Variants in RGPD2 observed in about 807,000 individuals in gnomAD.
The protein encoded by RGPD2 is RANBP2-like and GRIP domain-containing protein 2.
In RGPD2, 2 loss-of-function variants were observed where a neutral mutation model predicts 36.0. The ratio of observed to expected loss-of-function variants is 0.06; its 90% CI spans 0.02 to 0.17. The LOEUF is 0.17. Among genes scored for constraint, RGPD2 ranks in the 10% least tolerant of loss-of-function variants. The pLI is 1.00. For missense variants in RGPD2, 40 were observed against 464.3 expected (o/e 0.09, Z 8.40); for synonymous variants, 19 against 163.8 (o/e 0.12, Z 6.75).
chr2:87,861,680 GT>G, the RGPD2 span, among the ~76,000 whole-genome samples: 3 of 151,522 alleles, frequency 2.0e-5, no homozygotes, highest in Non-Finnish European at 4.4e-5. Flanking sequence ...CTCTTTGATA[GT>G]TTGTCATTTT....
At chr2:87,882,846 T>C in the RGPD2 span, among the ~76,000 whole-genome samples, 1 of 152,136 alleles carries the variant, frequency 6.6e-6, no homozygotes, top group South Asian at 2.1e-4. Flanking sequence ...TTTTATTGTA[T>C]TATAAATAAC....
the RGPD2 span, among the ~76,000 whole-genome samples, chr2:87,917,559 AAGG>A: frequency 2.8e-5 from 1 of 35,488 alleles, no homozygotes; most frequent in African/African-American, 1.6e-4. Context: ...AGACTGAAGT[AAGG>A]AGACTAGTGA....
At chr2:87,867,594 G>GT in the RGPD2 span, among the ~76,000 whole-genome samples, 5 of 151,600 alleles carry the variant, frequency 3.3e-5, no homozygotes, top group Non-Finnish European at 7.4e-5. Context: ...TCATACTTCA[G>GT]TTTTGAAACA....
chr2:87,834,384 T>C, the RGPD2 span, among the ~76,000 whole-genome samples: 1 of 152,054 alleles, frequency 6.6e-6, no homozygotes, highest in African/African-American at 2.4e-5. Context: ...ATGCAAGGCC[T>C]CAGCCTGAGA....
the RGPD2 span, among the ~76,000 whole-genome samples, chr2:87,928,983 C>T: frequency 4.7e-3 from 707 of 151,888 alleles, 3 homozygotes; most frequent in Middle Eastern, 0.02. Flanking sequence ...CAGATATTTT[C>T]TCCCATTCTG....
the RGPD2 span, among the ~76,000 whole-genome samples, chr2:87,964,815 A>ATTT: frequency 3.9e-4 from 30 of 77,886 alleles, 1 homozygote; most frequent in Admixed American, 1.8e-3. Context: ...TTATTTATTT[A>ATTT]TTTTTCTTTT....
chr2:87,919,947 G>GTAATATGTAA, the RGPD2 span, among the ~76,000 whole-genome samples: 1 of 151,904 alleles, frequency 6.6e-6, no homozygotes, highest in Non-Finnish European at 1.5e-5. Flanking sequence ...TTAATGATCA[G>GTAATATGTAA]ATATGTAATA....
chr2:87,932,747 A>G, the RGPD2 span, among the ~76,000 whole-genome samples: 8 of 151,932 alleles, frequency 5.3e-5, no homozygotes, highest in Admixed American at 5.3e-4. Flanking sequence ...TGGGTTGGAG[A>G]TTCTTTCTTT....
the RGPD2 span, among the ~76,000 whole-genome samples, chr2:87,909,295 G>A: frequency 2.1e-5 from 3 of 144,090 alleles, no homozygotes; most frequent in Admixed American, 1.4e-4. Context: ...TATTACTAAT[G>A]CCCTGTTTCT....
chr2:87,873,907 G>C, the RGPD2 span, among the ~76,000 whole-genome samples: 1 of 151,338 alleles, frequency 6.6e-6, no homozygotes, highest in Non-Finnish European at 1.5e-5. Context: ...AATTCAAGAT[G>C]AGATTTGGGT....
chr2:87,832,407 T>C, the RGPD2 span, among the ~76,000 whole-genome samples: 7 of 152,044 alleles, frequency 4.6e-5, no homozygotes, highest in African/African-American at 1.7e-4. Flanking sequence ...AAATATTAAC[T>C]ACAACAACAC....
At chr2:87,983,367 A>G in the RGPD2 span, among the ~76,000 whole-genome samples, 12 of 142,214 alleles carry the variant, frequency 8.4e-5, no homozygotes, top group Admixed American at 8.6e-4. Flanking sequence ...TTCCCATAAG[A>G]TTTTTCTCAA....
At chr2:87,769,828 C>T (rs1181266773) in intron 22 of RGPD2, among the ~76,000 whole-genome samples, 2 of 151,540 alleles carry the variant, frequency 1.3e-5, no homozygotes, top group South Asian at 4.2e-4. Context: ...AAGTAGATTT[C>T]TTCTTTTTTA....
At chr2:87,892,855 G>A in the RGPD2 span, among the ~76,000 whole-genome samples, 3,107 of 147,340 alleles carry the variant, frequency 0.021, 62 homozygotes, top group Non-Finnish European at 0.033. Context: ...AAGTCAAAGG[G>A]CACTAAAGCG....
the RGPD2 span, among the ~76,000 whole-genome samples, chr2:87,958,182 C>T: frequency 3.3e-5 from 5 of 151,878 alleles, no homozygotes; most frequent in African/African-American, 1.2e-4. Context: ...TCTCATGTTA[C>T]ATAGTGGAGA....
At chr2:87,824,936 A>G (rs959396473) in intron 1 of RGPD2, 20 of 373,752 alleles carry the variant, frequency 5.4e-5, no homozygotes, top group Non-Finnish European at 8.5e-5. Flanking sequence ...ACCTCTTTAC[A>G]GTGAAATGCC....
intron 22 of RGPD2, among the ~76,000 whole-genome samples, chr2:87,762,078 A>G (rs1684901646): frequency 1.4e-5 from 2 of 148,062 alleles, no homozygotes; most frequent in Admixed American, 6.9e-5. Flanking sequence ...TGTCATACGC[A>G]ATGATTTTAT....
the RGPD2 span, among the ~76,000 whole-genome samples, chr2:87,948,053 C>T: frequency 6.6e-6 from 1 of 152,180 alleles, no homozygotes; most frequent in African/African-American, 2.4e-5. Context: ...AATTCTTTGG[C>T]GTGGCTAGGC....
the RGPD2 span, among the ~76,000 whole-genome samples, chr2:87,929,585 T>C: frequency 6.6e-6 from 1 of 151,676 alleles, no homozygotes; most frequent in African/African-American, 2.4e-5. Flanking sequence ...TAAAATAGTT[T>C]TCTCCAGTTC....
Sources: allele counts gnomAD v4.1 joint callset (sites outside exome capture counted in the v4.1 genomes callset), GRCh38; gene constraint gnomAD v4.1.1; transcripts MANE v1.5; gene names NCBI Gene and HGNC (gene_info 2026-07-23, HGNC 2026-07-21).